The following FUT8 variants were observed in gnomAD, a reference collection of about 807,000 sequenced individuals.
The protein encoded by FUT8 is fucosyltransferase 8.
FUT8 carries 29 observed loss-of-function variants against 71.3 expected under a neutral mutation model. The observed-to-expected ratio is 0.41, with a 90% confidence interval of 0.30 to 0.55. The LOEUF is 0.55. FUT8 is among the 20% of genes least tolerant of loss of function. FUT8 has a pLI of 0.34. For synonymous variants in FUT8, 254 were observed against 239.3 expected, an observed-to-expected ratio of 1.06 and a Z score of -0.57; for missense variants, 544 against 702.1, an observed-to-expected ratio of 0.77 and a Z score of 2.55.
intron 7 of FUT8, among the ~76,000 whole-genome samples, chr14:65,689,843 A>C (rs994648340): frequency 2.6e-5 from 4 of 152,248 alleles, no homozygotes; most frequent in African/African-American, 9.6e-5. Flanking sequence ...AGCCGAGCAG[A>C]GGTTTTCAAC....
intron 2 of FUT8, among the ~76,000 whole-genome samples, chr14:65,460,139 C>G (rs1232331484): frequency 1.3e-5 from 2 of 152,144 alleles, no homozygotes; most frequent in African/African-American, 4.8e-5. Context: ...CTCTAAGAAT[C>G]TTTTTAGTCT....
chr14:65,534,452 A>G (rs1281365849), intron 2 of FUT8, among the ~76,000 whole-genome samples: 1 of 151,566 alleles, frequency 6.6e-6, no homozygotes, highest in Non-Finnish European at 1.5e-5. Flanking sequence ...CCTTACCCTC[A>G]ATTTTTTTGT....
At chr14:65,566,690 C>T (rs569404616) in intron 3 of FUT8, among the ~76,000 whole-genome samples, 1 of 152,048 alleles carries the variant, frequency 6.6e-6, no homozygotes, top group East Asian at 1.9e-4. Context: ...ATGATTGAAT[C>T]AGTTGACTTT....
the FUT8 span, among the ~76,000 whole-genome samples, chr14:65,392,183 C>T: frequency 2.6e-5 from 4 of 152,152 alleles, no homozygotes; most frequent in South Asian, 4.2e-4. Context: ...CCGCCTGCCT[C>T]GGCCTCCCAA....
At chr14:65,590,513 G>C (rs1340620803) in intron 3 of FUT8, among the ~76,000 whole-genome samples, 1 of 152,066 alleles carries the variant, frequency 6.6e-6, no homozygotes, top group African/African-American at 2.4e-5. Flanking sequence ...GACCAAACTG[G>C]GGGGGAATAA....
intron 2 of FUT8, among the ~76,000 whole-genome samples, chr14:65,486,233 ATACC>A (rs1482643621): frequency 5.9e-5 from 9 of 152,244 alleles, no homozygotes; most frequent in African/African-American, 2.2e-4. Flanking sequence ...ATATATAATA[ATACC>A]TACGTTTTAA....
At chr14:65,492,012 G>A (rs2066489255) in intron 2 of FUT8, among the ~76,000 whole-genome samples, 1 of 152,018 alleles carries the variant, frequency 6.6e-6, no homozygotes, top group Non-Finnish European at 1.5e-5. Flanking sequence ...ATAAAATTTT[G>A]CTTATGAAGA....
chr14:65,582,472 C>T (rs1192262935), intron 3 of FUT8, among the ~76,000 whole-genome samples: 1 of 152,132 alleles, frequency 6.6e-6, no homozygotes, highest in Non-Finnish European at 1.5e-5. Flanking sequence ...TGTGCCTTTA[C>T]ACATTTTACT....
chr14:65,373,924 C>T, the FUT8 span, among the ~76,000 whole-genome samples: 1 of 151,988 alleles, frequency 6.6e-6, no homozygotes, highest in Non-Finnish European at 1.5e-5. Flanking sequence ...GCACGGACAG[C>T]TGCCTGGCAA....
At chr14:65,505,755 C>CT (rs560559293) in intron 2 of FUT8, among the ~76,000 whole-genome samples, 2 of 151,800 alleles carry the variant, frequency 1.3e-5, no homozygotes, top group Non-Finnish European at 2.9e-5. Flanking sequence ...TCTCATTTGA[C>CT]TTTTTTTTGC....
intron 7 of FUT8, among the ~76,000 whole-genome samples, chr14:65,719,719 A>G (rs747484279): frequency 5.3e-5 from 8 of 152,198 alleles, no homozygotes; most frequent in Non-Finnish European, 8.8e-5. Flanking sequence ...CAGAGGTACT[A>G]CCTTTGTGGT....
At chr14:65,608,286 C>T (rs10145146) in intron 3 of FUT8, among the ~76,000 whole-genome samples, 104,378 of 151,530 alleles carry the variant, frequency 0.69, 36,581 homozygotes, top group East Asian at 0.89. Context: ...CCTAATATTG[C>T]TTATTTGTGC....
intron 2 of FUT8, among the ~76,000 whole-genome samples, chr14:65,536,637 G>T (rs1267093839): frequency 6.6e-6 from 1 of 152,128 alleles, no homozygotes; most frequent in Non-Finnish European, 1.5e-5. Context: ...AGTCTGTTGG[G>T]CTTCCTTTTG....
chr14:65,467,361 G>A lies in FUT8; in HGVS notation c.-228+11643G>A, dbSNP rs898076153. 2.6e-5 allele frequency among the ~76,000 whole-genome samples: 4 copies of A among 152,060 alleles called. No individual in the cohort carries two copies. Among genetic ancestry groups the A allele is most frequent in the Non-Finnish European group, 4.4e-5 (3 of 68,008 alleles). Reference sequence around the variant, plus strand: ...TACTCAGGCTGGAGTGCAGTGGCACGATCTTGGCTCACTGCAACCACTGCC... The same window carrying A: ...TACTCAGGCTGGAGTGCAGTGGCACAATCTTGGCTCACTGCAACCACTGCC... On this transcript the variant is annotated intron_variant, in intron 2 of 10. Transcript: ENST00000673929. This position sits in a 1 kb window ranked among gnomAD's most constrained non-coding sequence, Gnocchi z 4.1.
chr14:65,617,943 C>CA (rs1165723498), intron 5 of FUT8, among the ~76,000 whole-genome samples: 28 of 140,400 alleles, frequency 2.0e-4, no homozygotes, highest in Admixed American at 1.8e-3. Flanking sequence ...GACTCTGTCT[C>CA]AAAAAAAAGA....
At chr14:65,580,168 T>TAG (rs1887007493) in intron 3 of FUT8, among the ~76,000 whole-genome samples, 2 of 150,718 alleles carry the variant, frequency 1.3e-5, no homozygotes, top group African/African-American at 4.9e-5. Context: ...ATGAACATCA[T>TAG]AGAGTATACT....
At chr14:65,502,111 A>G (rs1054413611) in intron 2 of FUT8, among the ~76,000 whole-genome samples, 14 of 152,096 alleles carry the variant, frequency 9.2e-5, no homozygotes, top group African/African-American at 2.7e-4. Flanking sequence ...AGGTTTTGCT[A>G]TGTTGGCCAG....
At position 65,622,910 on chromosome 14, in the gene FUT8, G is replaced by GTTTTTT. The variant is rs33918554; in HGVS notation, c.482+6549_482+6554dup. Among the ~76,000 whole-genome samples the GTTTTTT allele has an allele frequency of 7.7e-4, 99 of 128,850 alleles. 6 individuals are homozygous for GTTTTTT. The highest frequency in any genetic ancestry group is 2.8e-3 in the African/African-American group (95 of 33,830). 84.5% of individuals were successfully genotyped at this position (128,850 alleles called of 152,430 possible). A position where few individuals can be genotyped will look rare whatever the true frequency, so the allele number is the denominator to read the frequency against. ...GCTGGCCCTTAGGGGGAGCTTCTCT[G>GTTTTTT]TTTTTTTTTTTTTTTTTGAGGCAGT... On this transcript the variant is annotated intron_variant, in intron 5 of 10. Transcript: ENST00000673929.
chr14:65,480,299 ATTT>A (rs5809276), intron 2 of FUT8, among the ~76,000 whole-genome samples: 18 of 96,950 alleles, frequency 1.9e-4, no homozygotes, highest in Admixed American at 2.4e-4. Context: ...ATGAACTGTG[ATTT>A]TTTTTTTTTT....
Sources: gnomAD v4.1 joint callset for allele counts (sites outside exome capture counted in the v4.1 genomes callset) on GRCh38, gnomAD v4.1.1 for gene constraint, Gnocchi (gnomAD v3.1) non-coding constraint, MANE v1.5 for transcripts, NCBI Gene and HGNC (gene_info 2026-07-23, HGNC 2026-07-21) for gene names.